Variants in NEGR1 observed in about 807,000 individuals in gnomAD.
The protein encoded by NEGR1 is IgLON family member 4.
NEGR1 carries 10 observed loss-of-function variants against 40.9 expected under a neutral mutation model. The observed-to-expected ratio is 0.24, with a 90% CI of 0.15 to 0.42. The LOEUF (loss-of-function observed/expected upper bound fraction) is 0.42. Among genes scored for constraint, NEGR1 ranks in the 10% least tolerant of loss-of-function variants. The pLI, the probability that NEGR1 is intolerant of heterozygous loss-of-function variation, is 1.00. For missense variants in NEGR1, 352 were observed against 438.9 expected, an observed-to-expected ratio of 0.80 and a Z score of 1.77; for synonymous variants, 185 against 166.8, an observed-to-expected ratio of 1.11 and a Z score of -0.84.
At chr1:71,558,727 T>C (rs200040154) in intron 6 of NEGR1, among the ~76,000 whole-genome samples, 40,172 of 146,838 alleles carry the variant, frequency 0.27, 6,748 homozygotes, top group East Asian at 0.52. Flanking sequence ...TCTTTCTTTT[T>C]TTTTTTTTTT....
chr1:71,625,075 C>T (rs1650726928), intron 4 of NEGR1, among the ~76,000 whole-genome samples: 1 of 151,976 alleles, frequency 6.6e-6, no homozygotes, highest in Non-Finnish European at 1.5e-5. Context: ...AGAAATGTTG[C>T]ACATTTTGAT....
At chr1:71,724,670 A>G (rs1654615804) in intron 3 of NEGR1, among the ~76,000 whole-genome samples, 1 of 152,088 alleles carries the variant, frequency 6.6e-6, no homozygotes, top group Admixed American at 6.6e-5. Flanking sequence ...AGACTTCTTC[A>G]TTGGAACCAG....
At chr1:72,073,982 A>G (rs1018374566) in intron 1 of NEGR1, among the ~76,000 whole-genome samples, 3 of 152,114 alleles carry the variant, frequency 2.0e-5, no homozygotes, top group South Asian at 2.1e-4. Context: ...ATGGAAGCTT[A>G]AATATATCAG....
intron 6 of NEGR1, among the ~76,000 whole-genome samples, chr1:71,524,933 C>T (rs775562633): frequency 4.6e-5 from 7 of 151,632 alleles, no homozygotes; most frequent in Middle Eastern, 3.2e-3. Context: ...TTGGAAAATG[C>T]GGAAAATAGA....
At chr1:71,936,389 G>A (rs1645905790) in intron 1 of NEGR1, among the ~76,000 whole-genome samples, 1 of 152,136 alleles carries the variant, frequency 6.6e-6, no homozygotes. Flanking sequence ...GTCTAGCGAG[G>A]AAGACACAAG....
intron 5 of NEGR1, among the ~76,000 whole-genome samples, chr1:71,610,696 C>T (rs1272988476): frequency 1.3e-5 from 2 of 152,186 alleles, no homozygotes; most frequent in East Asian, 3.9e-4. Context: ...CTTGTGGAAG[C>T]TGTACTCACG....
intron 4 of NEGR1, among the ~76,000 whole-genome samples, chr1:71,655,230 C>T (rs1651840066): frequency 6.6e-6 from 1 of 152,002 alleles, no homozygotes; most frequent in Non-Finnish European, 1.5e-5. Context: ...TGTTCTGAAC[C>T]ATTAAGAAGC....
intron 2 of NEGR1, among the ~76,000 whole-genome samples, chr1:71,822,183 G>T (rs1350648): frequency 0.59 from 89,944 of 151,704 alleles, 27,273 homozygotes; most frequent in Admixed American, 0.69. Flanking sequence ...AAGTGGCACA[G>T]AAAGTAGCCA....
chr1:71,846,449 G>T (rs1213708), intron 2 of NEGR1, among the ~76,000 whole-genome samples: 5,435 of 124,184 alleles, frequency 0.044, 178 homozygotes, highest in Middle Eastern at 0.15. Context: ...GAAGTAAAAA[G>T]ATTGCTGACA....
At chr1:72,034,753 C>T (rs573346046) in intron 1 of NEGR1, among the ~76,000 whole-genome samples, 1 of 152,180 alleles carries the variant, frequency 6.6e-6, no homozygotes, top group Admixed American at 6.5e-5. Context: ...CACAACATGA[C>T]CATAATACAG....
intron 1 of NEGR1, among the ~76,000 whole-genome samples, chr1:71,997,192 T>C (rs12034458): frequency 0.14 from 20,752 of 152,062 alleles, 1,892 homozygotes; most frequent in East Asian, 0.43. Flanking sequence ...AGTTCTCATT[T>C]TACCCATAAA....
chr1:71,812,452 A>T (rs1384460353), intron 2 of NEGR1, among the ~76,000 whole-genome samples: 1 of 152,138 alleles, frequency 6.6e-6, no homozygotes, highest in Non-Finnish European at 1.5e-5. Context: ...TTCTGGTTCT[A>T]GGTCTTTGAG....
intron 6 of NEGR1, among the ~76,000 whole-genome samples, chr1:71,466,584 T>G (rs559427738): frequency 2.0e-5 from 3 of 151,956 alleles, no homozygotes; most frequent in African/African-American, 7.2e-5. Flanking sequence ...CTGGTCAGAG[T>G]AGGCCTCGTT....
At chr1:72,104,856 C>T (rs1649076072) in intron 1 of NEGR1, among the ~76,000 whole-genome samples, 1 of 152,106 alleles carries the variant, frequency 6.6e-6, no homozygotes, top group Non-Finnish European at 1.5e-5. Flanking sequence ...ACAAACACAA[C>T]TACTCTTTGT....
At chr1:72,030,979 A>G (rs775612466) in intron 1 of NEGR1, among the ~76,000 whole-genome samples, 1 of 152,184 alleles carries the variant, frequency 6.6e-6, no homozygotes, top group African/African-American at 2.4e-5. Flanking sequence ...AAGTCGTAAG[A>G]GTTTATCTTA....
At chr1:72,163,252 G>T (rs1651648939) in intron 1 of NEGR1, among the ~76,000 whole-genome samples, 1 of 151,960 alleles carries the variant, frequency 6.6e-6, no homozygotes, top group Non-Finnish European at 1.5e-5. Context: ...CGTAAATAAG[G>T]TCATCAATTT....
intron 2 of NEGR1, among the ~76,000 whole-genome samples, chr1:71,877,221 G>A (rs1169538498): frequency 6.6e-6 from 1 of 152,070 alleles, no homozygotes; most frequent in African/African-American, 2.4e-5. Flanking sequence ...ATCTACCAGG[G>A]AACCAGAACT....
chr1:71,879,069 G>A (rs1660511066), intron 2 of NEGR1, among the ~76,000 whole-genome samples: 1 of 151,710 alleles, frequency 6.6e-6, no homozygotes, highest in Non-Finnish European at 1.5e-5. Flanking sequence ...GGAGGCAGAG[G>A]TTGTGGTGAG....
intron 4 of NEGR1, among the ~76,000 whole-genome samples, chr1:71,664,318 T>C (rs1240947684): frequency 6.6e-6 from 1 of 152,168 alleles, no homozygotes; most frequent in African/African-American, 2.4e-5. Context: ...ATTACTGCAA[T>C]GTTTGCCAGA....
Sources: gnomAD v4.1 joint callset for allele counts (sites outside exome capture counted in the v4.1 genomes callset) on GRCh38, gnomAD v4.1.1 for gene constraint, MANE v1.5 for transcripts, NCBI Gene and HGNC (gene_info 2026-07-23, HGNC 2026-07-21) for gene names.